Variants in PHIP observed in about 807,000 individuals in gnomAD.
The protein encoded by PHIP is PHIP subunit of CUL4-Ring ligase complex, also known as PH-interacting protein.
A neutral mutation model predicts 236.8 loss-of-function variants in PHIP; 54 were observed. The observed-to-expected ratio is 0.23, with a 90% CI of 0.18 to 0.29. PHIP has a LOEUF of 0.29. PHIP is among the 10% of genes least tolerant of loss of function. The pLI is 1.00. For synonymous variants in PHIP, 756 were observed against 718.9 expected (o/e 1.05, Z -0.83); for missense variants, 1,370 against 2,190.8 (o/e 0.63, Z 7.48).
intron 6 of PHIP, among the ~76,000 whole-genome samples, chr6:79,047,293 C>T (rs1295583133): frequency 1.3e-5 from 2 of 152,176 alleles, no homozygotes; most frequent in African/African-American, 4.8e-5. Flanking sequence ...TCCATTACTT[C>T]TTTAGGTGCT....
intron 6 of PHIP, among the ~76,000 whole-genome samples, chr6:79,054,689 T>A (rs1232291442): frequency 6.6e-6 from 1 of 151,160 alleles, no homozygotes; most frequent in Non-Finnish European, 1.5e-5. Context: ...AATAATTATG[T>A]AAGAAATATA....
At chr6:79,063,015 T>C (rs1332346865) in intron 4 of PHIP, among the ~76,000 whole-genome samples, 2 of 152,226 alleles carry the variant, frequency 1.3e-5, no homozygotes, top group Non-Finnish European at 2.9e-5. Context: ...ACCATATTAA[T>C]TGTTCTTAAT....
chr6:78,940,661 A>G lies in PHIP; in HGVS notation c.*32T>C, dbSNP rs770821081. 1.0e-5 allele frequency: 14 copies of G among 1,384,948 alleles called. No homozygotes were observed. In the East Asian group the frequency reaches 3.9e-4, roughly 39 times the overall value. The allele number at this position is 1,384,948 out of a possible 1,614,324, so 85.8% of individuals were successfully genotyped here. A position where few individuals can be genotyped will look rare whatever the true frequency, so the allele number is the denominator to read the frequency against. ...CTTATTCCTTAACTGTACCTGCTTT[A>G]TAGATTTTGAAGTAAAATATTTTGG... On this transcript the variant is annotated 3_prime_UTR_variant, in exon 40 of 40. Coordinates refer to ENST00000275034, the MANE Select transcript of PHIP (RefSeq NM_017934.7).
At chr6:79,018,789 A>G in intron 10 of PHIP, among the ~76,000 whole-genome samples, 1 of 152,022 alleles carries the variant, frequency 6.6e-6, no homozygotes, top group East Asian at 1.9e-4. Flanking sequence ...ACAATGAAAC[A>G]ACTATTTAAA....
At chr6:79,044,990 T>C (rs1401810675) in intron 6 of PHIP, among the ~76,000 whole-genome samples, 1 of 152,188 alleles carries the variant, frequency 6.6e-6, no homozygotes, top group Non-Finnish European at 1.5e-5. Flanking sequence ...AAAGTTACTT[T>C]ACAGTCAAAT....
intron 35 of PHIP, among the ~76,000 whole-genome samples, chr6:78,953,956 A>G (rs1458298953): frequency 2.0e-5 from 3 of 152,182 alleles, no homozygotes; most frequent in African/African-American, 7.2e-5. Context: ...TTAGATTGCT[A>G]TGATTGCACG....
chr6:78,953,057 C>T lies in PHIP; in HGVS notation c.4053+1757G>A, dbSNP rs187103769. On this transcript the variant is annotated intron_variant, in intron 35 of 39. Coordinates refer to ENST00000275034, the MANE Select transcript of PHIP (RefSeq NM_017934.7). The stretch of plus-strand genomic sequence containing the variant: ...TATAGGTGTTGTTTTTTTTTTAAAT[C>T]ATTAGTTCATTCAGTTAAGGATTAA... 6.2e-4 allele frequency among the ~76,000 whole-genome samples: 94 copies of T among 150,860 alleles called. 1 individual carries two copies. In the South Asian group the frequency reaches 8.0e-3, roughly 13 times the overall value.
At position 78,982,996 on chromosome 6, in the gene PHIP, ATTC is replaced by A. The variant is rs766331216; in HGVS notation, c.2656_2658del (p.Glu886del). 63 of 1,607,874 alleles carry A rather than the reference ATTC, an allele frequency of 3.9e-5. No individual in the cohort carries two copies. The highest frequency in any genetic ancestry group is 3.4e-6 in the Non-Finnish European group (4 of 1,176,878). On this transcript the variant is annotated inframe_deletion, in exon 23 of 40. Transcript: ENST00000275034. ...ATCTGTTTTTGCTTCTGTTTTTCAG[ATTC>A]TTCTTCTTCATCTGAACTGCTTTCT...
intron 25 of PHIP, 116 bp from the exon 26 acceptor site, chr6:78,970,289 C>G: frequency 1.3e-6 from 1 of 780,018 alleles, no homozygotes; most frequent in Non-Finnish European, 2.1e-6. Flanking sequence ...ATGGTGATGA[C>G]TGTGTACATG....
intron 24 of PHIP, among the ~76,000 whole-genome samples, chr6:78,976,421 C>A: frequency 9.3e-6 from 1 of 107,346 alleles, no homozygotes; most frequent in Non-Finnish European, 2.0e-5. Flanking sequence ...CCATAAAAAC[C>A]CTAGAAGAAA....
intron 32 of PHIP, chr6:78,957,797 C>T (rs1766529005): frequency 6.6e-6 from 1 of 151,880 alleles, no homozygotes; most frequent in Non-Finnish European, 1.5e-5. Context: ...TATATGATTG[C>T]ATAAAATCCT....
intron 39 of PHIP, among the ~76,000 whole-genome samples, chr6:78,942,892 T>C (rs987441871): frequency 6.6e-6 from 1 of 152,134 alleles, no homozygotes; most frequent in Non-Finnish European, 1.5e-5. Context: ...ATATATAATG[T>C]AAAAAGGTTA....
At chr6:79,017,636 T>G in intron 10 of PHIP, 53 bp from the exon 11 acceptor site, 1 of 1,282,102 alleles carries the variant, frequency 7.8e-7, no homozygotes, top group Non-Finnish European at 1.1e-6. Flanking sequence ...TCAAAATCTC[T>G]GAAAATTAGA....
intron 4 of PHIP, among the ~76,000 whole-genome samples, chr6:79,068,991 G>T (rs1219582934): frequency 6.6e-6 from 1 of 151,782 alleles, no homozygotes; most frequent in African/African-American, 2.4e-5. Context: ...CAGTTTTTCA[G>T]ATCTTCTCAA....
chr6:79,015,199 T>C lies in PHIP; in HGVS notation c.1407A>G (p.Val469=), dbSNP rs1268686597. Residue 469 remains valine, a synonymous_variant, in exon 15 of 40, where the codon GTA becomes GTG. Transcript: ENST00000275034. ...CGAACGGGTGTGGTTCAAGAACAAA[T>C]ACCTCATCTTCATGACCCTGAAATA... ...IHVLMGHEDE[V]FVLEPHPFDP... The C allele has an allele frequency of 7.5e-6, 12 of 1,609,056 alleles. No individual in the cohort carries two copies. Among genetic ancestry groups the C allele is most frequent in the African/African-American group, 1.3e-5 (1 of 74,724 alleles).
intron 27 of PHIP, among the ~76,000 whole-genome samples, chr6:78,967,082 AAAGAG>A (rs1327392151): frequency 6.6e-6 from 1 of 152,224 alleles, no homozygotes; most frequent in Non-Finnish European, 1.5e-5. Context: ...TTTTAAACTC[AAAGAG>A]AAAAGTAGTT....
chr6:78,986,281 C>A (rs1191035337), intron 21 of PHIP, among the ~76,000 whole-genome samples: 1 of 152,118 alleles, frequency 6.6e-6, no homozygotes, highest in Non-Finnish European at 1.5e-5. Flanking sequence ...CATGAGTAAA[C>A]AAAGAATATT....
chr6:78,965,600 T>C, intron 29 of PHIP, 103 bp downstream of exon 29: 2 of 677,262 alleles, frequency 3.0e-6, no homozygotes, highest in Non-Finnish European at 5.2e-6. Flanking sequence ...TGTTTTCTAT[T>C]TGATACTCAC....
chr6:79,004,484 C>T (rs1019654275), intron 15 of PHIP: 2 of 785,786 alleles, frequency 2.5e-6, no homozygotes, highest in Non-Finnish European at 3.1e-6. Flanking sequence ...ATTTTTTGCT[C>T]TCAGTGCTTC....
Sources: allele counts gnomAD v4.1 joint callset (sites outside exome capture counted in the v4.1 genomes callset), GRCh38; gene constraint gnomAD v4.1.1; transcripts MANE v1.5; gene names NCBI Gene and HGNC (gene_info 2026-07-23, HGNC 2026-07-21).